Variants in DPH6 observed in about 807,000 individuals in gnomAD.
The protein encoded by DPH6 is diphthamine biosynthesis 6.
In DPH6, 33 loss-of-function variants were observed where a neutral mutation model predicts 38.2. The observed-to-expected ratio is 0.86, with a 90% CI of 0.65 to 1.15. DPH6 has a LOEUF of 1.15. Among genes scored for constraint, DPH6 ranks in the 50% most tolerant of loss-of-function variants. The pLI is 0.00. For missense variants in DPH6, 325 were observed against 320.0 expected (o/e 1.02, Z -0.12); for synonymous variants, 108 against 103.0 (o/e 1.05, Z -0.30).
the DPH6 span, among the ~76,000 whole-genome samples, chr15:35,198,179 T>A: frequency 8.1e-6 from 1 of 123,472 alleles, no homozygotes; most frequent in African/African-American, 2.4e-5. Flanking sequence ...AACAAAACTT[T>A]TATATTTTAT....
At chr15:35,324,922 G>C (rs184641149) in intron 3 of DPH6, among the ~76,000 whole-genome samples, 115 of 152,222 alleles carry the variant, frequency 7.6e-4, no homozygotes, top group Non-Finnish European at 1.4e-3. Context: ...CAGAATCTTA[G>C]TACTTGGGAT....
At chr15:35,269,076 C>T (rs2051803748) in intron 3 of DPH6, among the ~76,000 whole-genome samples, 1 of 152,178 alleles carries the variant, frequency 6.6e-6, no homozygotes, top group African/African-American at 2.4e-5. Flanking sequence ...TCTTCTGCTG[C>T]TATTCAGACT....
At chr15:35,269,088 A>T (rs1169638743) in intron 3 of DPH6, among the ~76,000 whole-genome samples, 1 of 152,206 alleles carries the variant, frequency 6.6e-6, no homozygotes, top group Non-Finnish European at 1.5e-5. Flanking sequence ...ATTCAGACTT[A>T]TCCCCTGATA....
At chr15:35,271,898 C>T (rs967785606) in intron 3 of DPH6, among the ~76,000 whole-genome samples, 24 of 152,214 alleles carry the variant, frequency 1.6e-4, no homozygotes, top group Admixed American at 6.5e-4. Flanking sequence ...AACCACACAG[C>T]TGTGTTTAAA....
chr15:35,242,519 A>G lies in DPH6; in HGVS notation n.201-21937T>C, dbSNP rs2051607873. On this transcript the variant is annotated intron_variant and non_coding_transcript_variant, in intron 3 of 3. Transcript: ENST00000560386. ...TCCCTTCTGTCAGACATAATTCCTC[A>G]GTTTAGCCTTCCCACCTCTATACAG... 2.1e-5 allele frequency among the ~76,000 whole-genome samples: 3 copies of G among 143,350 alleles called. 1 individual carries two copies. In the Admixed American group the frequency reaches 2.3e-4, roughly 11 times the overall value. The allele number at this position is 143,350 out of a possible 152,430, so 94.0% of individuals were successfully genotyped here.
chr15:35,356,686 T>G (rs537975649), intron 3 of DPH6, among the ~76,000 whole-genome samples: 249 of 152,330 alleles, frequency 1.6e-3, no homozygotes, highest in Non-Finnish European at 1.0e-3. Flanking sequence ...GGTGTCAGTC[T>G]GCCCCTACTG....
At chr15:35,487,107 C>A (rs1042952566) in intron 3 of DPH6, among the ~76,000 whole-genome samples, 6 of 152,182 alleles carry the variant, frequency 3.9e-5, no homozygotes, top group Admixed American at 2.6e-4. Context: ...CCCTGTGGAT[C>A]TGTAGGGTTA....
At chr15:35,244,504 C>T (rs1253171872) in intron 3 of DPH6, among the ~76,000 whole-genome samples, 1 of 152,234 alleles carries the variant, frequency 6.6e-6, no homozygotes, top group Non-Finnish European at 1.5e-5. Flanking sequence ...TTCTAACACA[C>T]AATTTATTCA....
intron 3 of DPH6, among the ~76,000 whole-genome samples, chr15:35,276,749 G>C (rs1030449283): frequency 2.6e-5 from 4 of 151,854 alleles, no homozygotes; most frequent in African/African-American, 9.7e-5. Flanking sequence ...GCTGTACTTG[G>C]ATTTATTTCT....
chr15:35,289,437 C>T (rs1393185348), intron 3 of DPH6, among the ~76,000 whole-genome samples: 1 of 152,116 alleles, frequency 6.6e-6, no homozygotes, highest in Non-Finnish European at 1.5e-5. Context: ...TAAATGATAC[C>T]TAGCACCGAA....
chr15:35,342,327 G>A (rs1460562240), intron 3 of DPH6, among the ~76,000 whole-genome samples: 1 of 152,202 alleles, frequency 6.6e-6, no homozygotes, highest in Non-Finnish European at 1.5e-5. Context: ...GAGATCTCCT[G>A]ATCTATGGGT....
At chr15:35,349,506 G>A (rs1196826681) in intron 3 of DPH6, among the ~76,000 whole-genome samples, 1 of 152,008 alleles carries the variant, frequency 6.6e-6, no homozygotes, top group African/African-American at 2.4e-5. Context: ...GAGTGATTTC[G>A]GCTTACTGCA....
At chr15:35,175,901 G>T in the DPH6 span, among the ~76,000 whole-genome samples, 1 of 152,198 alleles carries the variant, frequency 6.6e-6, no homozygotes, top group Admixed American at 6.5e-5. Flanking sequence ...CAGGGTACTA[G>T]GGTACTGTTT....
At chr15:35,260,319 G>C (rs932642149) in intron 3 of DPH6, among the ~76,000 whole-genome samples, 1 of 151,996 alleles carries the variant, frequency 6.6e-6, no homozygotes, top group Non-Finnish European at 1.5e-5. Context: ...TGTTGGCCAG[G>C]CTGGTCTTGA....
chr15:35,240,566 G>A (rs1399363757), intron 3 of DPH6, among the ~76,000 whole-genome samples: 1 of 143,426 alleles, frequency 7.0e-6, no homozygotes, highest in Non-Finnish European at 1.5e-5. Flanking sequence ...TTCATTCTGT[G>A]ACTAGCCCTC....
chr15:35,227,643 G>T (rs1419379468), intron 3 of DPH6, among the ~76,000 whole-genome samples: 2 of 150,930 alleles, frequency 1.3e-5, no homozygotes, highest in South Asian at 2.1e-4. Flanking sequence ...TTTCTGTTCT[G>T]ATTTTTTTTT....
At chr15:35,278,904 G>A (rs555939903) in intron 3 of DPH6, among the ~76,000 whole-genome samples, 4 of 151,766 alleles carry the variant, frequency 2.6e-5, no homozygotes, top group African/African-American at 4.8e-5. Context: ...AAAAAATTAC[G>A]TGGGCGTGGT....
At chr15:35,214,611 A>G (rs2051402948), downstream of DPH6, among the ~76,000 whole-genome samples, 1 of 152,060 alleles carries the variant, frequency 6.6e-6, no homozygotes, top group Non-Finnish European at 1.5e-5. Flanking sequence ...ATCACGGATA[A>G]AACTTTTTTT....
intron 6 of DPH6, among the ~76,000 whole-genome samples, chr15:35,406,374 T>A (rs909726227): frequency 6.6e-6 from 1 of 152,018 alleles, no homozygotes; most frequent in African/African-American, 2.4e-5. Flanking sequence ...GCAGTTTAAA[T>A]TTTATTTTGA....
Sources: gnomAD v4.1 joint callset for allele counts (sites outside exome capture counted in the v4.1 genomes callset) on GRCh38, gnomAD v4.1.1 for gene constraint, MANE v1.5 for transcripts, NCBI Gene and HGNC (gene_info 2026-07-23, HGNC 2026-07-21) for gene names.